Variants in OSCP1 observed in about 807,000 individuals in gnomAD.
OSCP1 encodes protein OSCP1.
Under a neutral mutation model 45.1 loss-of-function variants are expected in OSCP1, and 35 were observed. The ratio of observed to expected loss-of-function variants is 0.78; its 90% CI spans 0.59 to 1.03. The LOEUF is 1.03. Among genes scored for constraint, OSCP1 ranks in the 50% least tolerant of loss-of-function variants. The probability of loss-of-function intolerance (pLI) is 0.00; values close to 1 mark genes in which losing one functional copy is unlikely to be tolerated. For synonymous variants in OSCP1, 179 were observed against 180.1 expected (o/e 0.99, Z 0.05); for missense variants, 400 against 470.7 (o/e 0.85, Z 1.39).
rs373575842 is a variant in OSCP1, at chr1:36,418,926, C to CAA, written c.1023+63_1023+64dup. 8.4e-3 allele frequency: 10,519 copies of CAA among 1,253,482 alleles called. 66 individuals carry two copies. The highest frequency in any genetic ancestry group is 0.014 in the South Asian group (1,050 of 74,424). The allele number at this position is 1,253,482 out of a possible 1,614,324, so 77.6% of individuals were successfully genotyped here. On this transcript the variant is annotated intron_variant, in intron 9 of 9. Coordinates refer to ENST00000235532, the MANE Select transcript of OSCP1 (RefSeq NM_145047.5). ...TGGGTGACAGAGCGAGACCCTGTCT[C>CAA]AAGAAAAAAAAAAAAAGATGAGGAA...
Position 36,422,165 on chromosome 1 carries a change from T to C in OSCP1, c.804A>G (p.Leu268=). 1 of 1,614,156 alleles carries C rather than the reference T, an allele frequency of 6.2e-7. No homozygotes were observed. Among genetic ancestry groups the C allele is most frequent in the East Asian group, 2.2e-5 (1 of 44,890 alleles). ...ETHVSGSSKN[L]ASWTQESIAP... ...AGAAGCTCACCTGGGTCCATGAGGC[T>C]AAGTTCTTTGATGATCCAGACACAT... Residue 268 remains leucine, a synonymous_variant, in exon 7 of 10, where the codon TTA becomes TTG. Transcript: ENST00000235532.
chr1:36,447,832 G>A lies in OSCP1; in HGVS notation c.112+2426C>T, dbSNP rs762696707. On this transcript the variant is annotated intron_variant, in intron 1 of 9. Coordinates refer to ENST00000235532, the MANE Select transcript of OSCP1 (RefSeq NM_145047.5). This position sits in a 1 kb window ranked among gnomAD's most constrained non-coding sequence, Gnocchi z 4.1. ...CCCTACCTCCAGTGAATGTCCAGAA[G>A]GGCTGCATCAGGCTCCATATAGTAT... 2.3e-5 allele frequency: 10 copies of A among 433,850 alleles called. No individual in the cohort carries two copies. Among genetic ancestry groups the A allele is most frequent in the Non-Finnish European group, 9.4e-6 (2 of 211,656 alleles). 26.9% of individuals were successfully genotyped at this position (433,850 alleles called of 1,614,324 possible). A position where few individuals can be genotyped will look rare whatever the true frequency, so the allele number is the denominator to read the frequency against.
Position 36,422,703 on chromosome 1 carries a change from T to C in OSCP1, c.749+65A>G, listed in dbSNP as rs972992702. 71 of 1,111,588 alleles carry C rather than the reference T, an allele frequency of 6.4e-5. No homozygotes were observed. In the South Asian group the frequency reaches 7.9e-4, roughly 12 times the overall value. 68.9% of individuals were successfully genotyped at this position (1,111,588 alleles called of 1,614,324 possible). On this transcript the variant is annotated intron_variant, in intron 6 of 9. Transcript: ENST00000235532. ...ATAGCAGAAGTCTGGCTGTTTCTCT[T>C]TTTTTTTTTTTAAATGAAGTGACCT...
chr1:36,438,796 T>C lies in OSCP1; in HGVS notation c.227A>G (p.His76Arg), dbSNP rs368502494. The change falls in exon 2 of 10, where the codon CAT (histidine) becomes CGT (arginine). Residue 76 changes from histidine (H) to arginine (R), a missense_variant. Physicochemically the swap from His to Arg is conservative, Grantham distance 29 (BLOSUM62 0). Coordinates refer to ENST00000235532, the MANE Select transcript of OSCP1 (RefSeq NM_145047.5). ...CTGGTTCAGTTTCATAATGGAGGCA[T>C]GAGCCAGGCGCTCATAGACAGTCCT... ...ALRTVYERLA[H>R]ASIMKLNQAS... is the part of the protein sequence containing the mutation. 1.8e-5 allele frequency: 29 copies of C among 1,613,840 alleles called. No individual in the cohort carries two copies. Among genetic ancestry groups the C allele is most frequent in the Non-Finnish European group, 2.3e-5 (27 of 1,179,850 alleles).
At chr1:36,438,225 G>A (rs1460781433) in intron 2 of OSCP1, among the ~76,000 whole-genome samples, 1 of 150,328 alleles carries the variant, frequency 6.7e-6, no homozygotes, top group Non-Finnish European at 1.5e-5. Context: ...GCTGAGGCAG[G>A]AGAATCGCTT....
chr1:36,425,843 T>G (rs181303732), intron 4 of OSCP1, among the ~76,000 whole-genome samples: 1 of 151,520 alleles, frequency 6.6e-6, no homozygotes, highest in African/African-American at 2.4e-5. Context: ...AAGCATAAAA[T>G]GGAGAAAATA....
chr1:36,420,096 C>T (rs1207872262), intron 8 of OSCP1, among the ~76,000 whole-genome samples: 4 of 151,754 alleles, frequency 2.6e-5, no homozygotes, highest in Admixed American at 6.6e-5. Flanking sequence ...CTGCCTCAGC[C>T]TCCCGAGTAG....
chr1:36,428,207 A>G lies in OSCP1; in HGVS notation c.516+3595T>C, dbSNP rs918613246. The G allele has an allele frequency of 5.4e-5, 73 of 1,355,326 alleles. 1 individual carries two copies. Among genetic ancestry groups the G allele is most frequent in the Middle Eastern group, 2.7e-4 (1 of 3,740 alleles). 84.0% of individuals were successfully genotyped at this position (1,355,326 alleles called of 1,614,324 possible). On this transcript the variant is annotated intron_variant, in intron 4 of 9. Coordinates refer to ENST00000235532, the MANE Select transcript of OSCP1 (RefSeq NM_145047.5). ...TGCATCTCAAAAAAAAAAAAAAAAA[A>G]AAAGAAAGAAAAATTTGGCATCAGA...
At chr1:36,422,458 CT>C (rs1647698895) in intron 6 of OSCP1, among the ~76,000 whole-genome samples, 1 of 152,202 alleles carries the variant, frequency 6.6e-6, no homozygotes, top group South Asian at 2.1e-4. Context: ...ACACGCATCA[CT>C]GAAAATATAT....
intron 1 of OSCP1, among the ~76,000 whole-genome samples, chr1:36,449,794 G>A: frequency 8.2e-6 from 1 of 122,592 alleles, no homozygotes; most frequent in African/African-American, 3.3e-5. Flanking sequence ...CCGAGATCGT[G>A]CCACACACTC....
chr1:36,427,675 G>A (rs1648065513), intron 4 of OSCP1, among the ~76,000 whole-genome samples: 1 of 152,110 alleles, frequency 6.6e-6, no homozygotes, highest in South Asian at 2.1e-4. Flanking sequence ...CAATATGGCT[G>A]TTTATGTTAC....
At chr1:36,436,554 T>C (rs909771624) in intron 2 of OSCP1, among the ~76,000 whole-genome samples, 1 of 152,180 alleles carries the variant, frequency 6.6e-6, no homozygotes, top group Non-Finnish European at 1.5e-5. Context: ...TAAAATTTTT[T>C]TGTAGAGATT....
Position 36,450,445 on chromosome 1 carries a change from T to A in OSCP1, c.-76A>T. 1 of 1,215,398 alleles carries A rather than the reference T, an allele frequency of 8.2e-7. No homozygotes were observed. 75.3% of individuals were successfully genotyped at this position (1,215,398 alleles called of 1,614,324 possible). A position where few individuals can be genotyped will look rare whatever the true frequency, so the allele number is the denominator to read the frequency against. On this transcript the variant is annotated 5_prime_UTR_variant, in exon 1 of 10. Coordinates refer to ENST00000235532, the MANE Select transcript of OSCP1 (RefSeq NM_145047.5). ...GTGGCCTGAAGGCCAGGCCGCAGCG[T>A]CCCAATAGTCCGGTTGCTGGGGCAA...
rs1649365913 is a variant in OSCP1, at chr1:36,444,150, TG to T, written c.113-5241del. On this transcript the variant is annotated intron_variant, in intron 1 of 9. Coordinates refer to ENST00000235532, the MANE Select transcript of OSCP1 (RefSeq NM_145047.5). ...ATCTATGAAACTTTACTTTTCACGT[TG>T]GCATTTAATGTCTAATGTGAGCACA... The T allele has an allele frequency of 3.4e-6, 4 of 1,168,230 alleles. No homozygotes were observed. The South Asian group carries it at 5.2e-5, about 15-fold the overall frequency. 72.4% of individuals were successfully genotyped at this position (1,168,230 alleles called of 1,614,324 possible).
chr1:36,418,274 G>C lies in OSCP1; in HGVS notation c.1024-19C>G, dbSNP rs1240578753. 6.2e-7 allele frequency: 1 copy of C among 1,612,822 alleles called. No individual in the cohort carries two copies. The highest frequency in any genetic ancestry group is 1.1e-5 in the South Asian group (1 of 91,044). On this transcript the variant is annotated intron_variant, in intron 9 of 9. Coordinates refer to ENST00000235532, the MANE Select transcript of OSCP1 (RefSeq NM_145047.5). ...GCTGGTCCTATGAGGGAAATGAGAG[G>C]TAAAAGGGCATGAAGAGGCTGTGCT...
In OSCP1 at chr1:36,445,267, T is replaced by C. The variant is rs184981626; in HGVS notation, c.112+4991A>G. Reference sequence around the variant, plus strand: ...TGGGAGGCTGAAGCAGGAGGATTGCTTGAACCCAGGAGGTGAAGGTTGCAG... The same window carrying C: ...TGGGAGGCTGAAGCAGGAGGATTGCCTGAACCCAGGAGGTGAAGGTTGCAG... On this transcript the variant is annotated intron_variant, in intron 1 of 9. Coordinates refer to ENST00000235532, the MANE Select transcript of OSCP1 (RefSeq NM_145047.5). 1.9e-4 allele frequency among the ~76,000 whole-genome samples: 29 copies of C among 152,312 alleles called. 1 individual carries two copies. The highest frequency in any genetic ancestry group is 6.7e-4 in the African/African-American group (28 of 41,562).
chr1:36,438,945 T>C (rs1271315455), intron 1 of OSCP1, 35 bp from the exon 2 acceptor site: 1 of 1,606,118 alleles, frequency 6.2e-7, no homozygotes, highest in Admixed American at 1.7e-5. Context: ...CTGAGCAAAG[T>C]ACTGAAGCAA....
At chr1:36,422,108 A>G in intron 7 of OSCP1, 42 bp downstream of exon 7, 3 of 1,562,924 alleles carry the variant, frequency 1.9e-6, no homozygotes, top group Non-Finnish European at 1.8e-6. Flanking sequence ...TTCCGTATCT[A>G]GAGAGAAGCT....
Position 36,421,956 on chromosome 1 carries a change from A to T in OSCP1, c.819+194T>A. 4 of 604,786 alleles carry T rather than the reference A, an allele frequency of 6.6e-6. No homozygotes were observed. In the South Asian group the frequency reaches 8.1e-5, roughly 12 times the overall value. The allele number at this position is 604,786 out of a possible 1,614,324, so 37.5% of individuals were successfully genotyped here. ...GAGCCAAGCCTAAAATTACCTAATT[A>T]GTGAGATCACTGGAAGTCTCCATGA... On this transcript the variant is annotated intron_variant, in intron 7 of 9. Coordinates refer to ENST00000235532, the MANE Select transcript of OSCP1 (RefSeq NM_145047.5).
Sources: allele counts gnomAD v4.1 joint callset (sites outside exome capture counted in the v4.1 genomes callset), GRCh38; gene constraint gnomAD v4.1.1; non-coding constraint Gnocchi (gnomAD v3.1); transcripts MANE v1.5; gene names NCBI Gene and HGNC (gene_info 2026-07-23, HGNC 2026-07-21).